ELOVL6: variants seen among roughly 807,000 people sequenced by gnomAD.
The protein encoded by ELOVL6 is very long chain fatty acid elongase 6.
ELOVL6 carries 8 observed loss-of-function variants against 31.7 expected under a neutral mutation model. The ratio of observed to expected loss-of-function variants is 0.25; its 90% CI spans 0.15 to 0.45. The LOEUF (loss-of-function observed/expected upper bound fraction) is 0.45, where lower values mean the gene tolerates loss of function less well. Among genes scored for constraint, ELOVL6 ranks in the 20% least tolerant of loss-of-function variants. ELOVL6 has a pLI of 1.00. For synonymous variants in ELOVL6, 101 were observed against 117.7 expected (o/e 0.86, Z 0.92); for missense variants, 126 against 326.4 (o/e 0.39, Z 4.73).
intron 2 of ELOVL6, among the ~76,000 whole-genome samples, chr4:110,090,975 T>C (rs980464191): frequency 1.3e-5 from 2 of 152,132 alleles, no homozygotes; most frequent in Admixed American, 6.5e-5. Context: ...TGTGAATGCA[T>C]AGGAAGAAAT....
At chr4:110,143,503 T>C (rs1758022673) in intron 1 of ELOVL6, among the ~76,000 whole-genome samples, 1 of 151,996 alleles carries the variant, frequency 6.6e-6, no homozygotes, top group Non-Finnish European at 1.5e-5. Flanking sequence ...CATTTCTTAT[T>C]ATATTTCTTA....
chr4:110,083,948 T>TAC (rs1560813188), intron 2 of ELOVL6, among the ~76,000 whole-genome samples: 2 of 90,422 alleles, frequency 2.2e-5, no homozygotes, highest in Non-Finnish European at 4.3e-5. Flanking sequence ...ATATATAACA[T>TAC]GTTATATATG....
intron 1 of ELOVL6, among the ~76,000 whole-genome samples, chr4:110,191,348 G>T (rs962243408): frequency 6.6e-6 from 1 of 152,100 alleles, no homozygotes; most frequent in Non-Finnish European, 1.5e-5. Context: ...ATTACCTAGG[G>T]TTATCAACAG....
At chr4:110,076,409 CT>C (rs1755632595) in intron 2 of ELOVL6, among the ~76,000 whole-genome samples, 1 of 151,952 alleles carries the variant, frequency 6.6e-6, no homozygotes, top group Admixed American at 6.6e-5. Context: ...AATGGTGGTC[CT>C]ATATAATAAT....
intron 1 of ELOVL6, among the ~76,000 whole-genome samples, chr4:110,172,669 C>G (rs1187958671): frequency 6.6e-6 from 1 of 152,186 alleles, no homozygotes; most frequent in Non-Finnish European, 1.5e-5. Flanking sequence ...TCTTAAGAAA[C>G]GTCTTTTTGA....
At chr4:110,072,132 T>G (rs936148385) in intron 2 of ELOVL6, among the ~76,000 whole-genome samples, 5 of 152,160 alleles carry the variant, frequency 3.3e-5, no homozygotes, top group African/African-American at 9.7e-5. Flanking sequence ...ACCAGCACAC[T>G]CTCAGAACAT....
At chr4:110,197,901 G>A (rs570972394) in intron 1 of ELOVL6, 53 of 309,072 alleles carry the variant, frequency 1.7e-4, no homozygotes, top group African/African-American at 1.2e-3. Context: ...AAAACCGGGG[G>A]AGGGGAGGGG....
chr4:110,176,337 A>G (rs1759104674), intron 1 of ELOVL6, among the ~76,000 whole-genome samples: 1 of 151,866 alleles, frequency 6.6e-6, no homozygotes, highest in South Asian at 2.1e-4. Flanking sequence ...TAATTTTTGT[A>G]TTTTTAACAG....
At chr4:110,120,330 C>T (rs1757307494) in intron 1 of ELOVL6, among the ~76,000 whole-genome samples, 1 of 111,332 alleles carries the variant, frequency 9.0e-6, no homozygotes, top group Non-Finnish European at 1.8e-5. Flanking sequence ...AGGTTTCCTA[C>T]CAAAAAATAA....
intron 1 of ELOVL6, among the ~76,000 whole-genome samples, chr4:110,169,950 G>GT (rs921095840): frequency 2.0e-5 from 3 of 151,752 alleles, no homozygotes; most frequent in Admixed American, 6.6e-5. Context: ...GACTAAAGGC[G>GT]TGTGACACCA....
At chr4:110,126,504 G>T (rs1025029338) in intron 1 of ELOVL6, among the ~76,000 whole-genome samples, 1 of 152,108 alleles carries the variant, frequency 6.6e-6, no homozygotes, top group Non-Finnish European at 1.5e-5. Flanking sequence ...AAAATTTGAT[G>T]CCAGTTTCCT....
chr4:110,198,171 G>T, intron 1 of ELOVL6, 76 bp downstream of exon 1: 1 of 897,356 alleles, frequency 1.1e-6, no homozygotes. Flanking sequence ...GCCCAGGCAG[G>T]GAATACCGAC....
At chr4:110,140,588 C>T (rs995219980) in intron 1 of ELOVL6, among the ~76,000 whole-genome samples, 1 of 151,898 alleles carries the variant, frequency 6.6e-6, no homozygotes, top group African/African-American at 2.4e-5. Flanking sequence ...TTTCTGCCTT[C>T]AATTCTAAGC....
At chr4:110,133,393 G>A (rs577975419) in intron 1 of ELOVL6, among the ~76,000 whole-genome samples, 1 of 152,324 alleles carries the variant, frequency 6.6e-6, no homozygotes, top group Non-Finnish European at 1.5e-5. Context: ...ATCCTACTGT[G>A]AAAGCATAGC....
chr4:110,080,339 T>G (rs896847173), intron 2 of ELOVL6, among the ~76,000 whole-genome samples: 1 of 152,180 alleles, frequency 6.6e-6, no homozygotes, highest in East Asian at 1.9e-4. Context: ...GCAAAAATCC[T>G]CAATAAAATA....
At chr4:110,198,060 C>G in intron 1 of ELOVL6, 187 bp downstream of exon 1, 1 of 616,240 alleles carries the variant, frequency 1.6e-6, no homozygotes, top group Non-Finnish European at 2.9e-6. Context: ...ACCCACAGAC[C>G]TCGCGCTTCA....
chr4:110,088,444 C>G (rs1445999145), intron 2 of ELOVL6, among the ~76,000 whole-genome samples: 1 of 152,158 alleles, frequency 6.6e-6, no homozygotes, highest in African/African-American at 2.4e-5. Flanking sequence ...GATTTAATGG[C>G]TTTTCCATTT....
intron 2 of ELOVL6, among the ~76,000 whole-genome samples, chr4:110,075,639 T>C (rs1755607487): frequency 6.6e-6 from 1 of 152,172 alleles, no homozygotes; most frequent in African/African-American, 2.4e-5. Flanking sequence ...ACTTAATGGG[T>C]ACAGTTTCAG....
At chr4:110,109,708 C>G (rs1180108254) in intron 1 of ELOVL6, among the ~76,000 whole-genome samples, 3 of 152,154 alleles carry the variant, frequency 2.0e-5, no homozygotes, top group African/African-American at 7.2e-5. Context: ...TTCACTGAAA[C>G]CAGTGCTTAG....
Sources: allele counts gnomAD v4.1 joint callset (sites outside exome capture counted in the v4.1 genomes callset), GRCh38; gene constraint gnomAD v4.1.1; transcripts MANE v1.5; gene names NCBI Gene and HGNC (gene_info 2026-07-23, HGNC 2026-07-21).